CRKL: variants seen among roughly 807,000 people sequenced by gnomAD.
CRKL encodes CRK like proto-oncogene, adaptor protein.
A neutral mutation model predicts 23.0 loss-of-function variants in CRKL; 3 were observed. The ratio of observed to expected loss-of-function variants is 0.13; its 90% CI spans 0.06 to 0.34. CRKL has a LOEUF of 0.34. Among genes scored for constraint, CRKL ranks in the 10% least tolerant of loss-of-function variants. The probability of loss-of-function intolerance (pLI) is 1.00; values close to 1 mark genes in which losing one functional copy is unlikely to be tolerated. For missense variants in CRKL, 256 were observed against 394.5 expected, an observed-to-expected ratio of 0.65 and a Z score of 2.97; for synonymous variants, 188 against 160.7, an observed-to-expected ratio of 1.17 and a Z score of -1.28.
chr22:20,943,672 T>C (rs4820673), intron 2 of CRKL, among the ~76,000 whole-genome samples: 116,415 of 152,094 alleles, frequency 0.77, 45,131 homozygotes, highest in East Asian at 0.92. Context: ...CTTTCCCTGT[T>C]GAATAGACTT....
At chr22:20,940,566 CTTTT>C (rs55853175) in intron 2 of CRKL, among the ~76,000 whole-genome samples, 11 of 134,922 alleles carry the variant, frequency 8.2e-5, no homozygotes, top group African/African-American at 1.5e-4. Flanking sequence ...TTTGGTGCTC[CTTTT>C]TTTTTTTTTT....
chr22:20,918,883 C>T (rs1929788483), intron 1 of CRKL, among the ~76,000 whole-genome samples: 1 of 152,130 alleles, frequency 6.6e-6, no homozygotes, highest in South Asian at 2.1e-4. Flanking sequence ...AGCCACCACA[C>T]CCGGCCAAAA....
At chr22:20,944,395 A>C (rs1259722724) in intron 2 of CRKL, among the ~76,000 whole-genome samples, 1 of 151,062 alleles carries the variant, frequency 6.6e-6, no homozygotes, top group Non-Finnish European at 1.5e-5. Context: ...ACCATGGTTA[A>C]ATTATTCTCG....
intron 2 of CRKL, among the ~76,000 whole-genome samples, chr22:20,946,733 A>AC (rs59726220): frequency 0.6 from 90,435 of 150,826 alleles, 28,921 homozygotes; most frequent in South Asian, 0.8. Context: ...CAAAAAAAAA[A>AC]AACAGATTGA....
At chr22:20,923,895 T>C (rs1247049130) in intron 1 of CRKL, among the ~76,000 whole-genome samples, 1 of 146,538 alleles carries the variant, frequency 6.8e-6, no homozygotes, top group African/African-American at 2.5e-5. Flanking sequence ...AAAAAAAAAA[T>C]GTAAAGGTTG....
chr22:20,942,154 A>T (rs982770633), intron 2 of CRKL, among the ~76,000 whole-genome samples: 1 of 152,226 alleles, frequency 6.6e-6, no homozygotes, highest in African/African-American at 2.4e-5. Flanking sequence ...TACCTACCTG[A>T]TATAAGTAAA....
At position 20,917,584 on chromosome 22, in the gene CRKL, G is replaced by A; in HGVS notation, c.-351G>A. ...CGGTGAAGACCCGTCGAGCTGCGGC[G>A]CCGGCGCGTTCCAGGCCGGGAGTCA... On this transcript the variant is annotated 5_prime_UTR_variant, in exon 1 of 3. Transcript: ENST00000354336. 1 of 321,920 alleles carries A rather than the reference G, an allele frequency of 3.1e-6. No homozygotes were observed. The highest frequency in any genetic ancestry group is 5.7e-6 in the Non-Finnish European group (1 of 175,972). The allele number at this position is 321,920 out of a possible 1,614,324, so 19.9% of individuals were successfully genotyped here. A position where few individuals can be genotyped will look rare whatever the true frequency, so the allele number is the denominator to read the frequency against.
intron 1 of CRKL, among the ~76,000 whole-genome samples, chr22:20,933,369 C>A (rs1921530527): frequency 6.6e-6 from 1 of 150,770 alleles, no homozygotes; most frequent in Non-Finnish European, 1.5e-5. Flanking sequence ...GACTCCATCT[C>A]CAAAAAAAAT....
At position 20,952,663 on chromosome 22, in the gene CRKL, G is replaced by A. The variant is rs540264086; in HGVS notation, c.*2818G>A. The A allele has an allele frequency of 2.3e-4, 54 of 232,250 alleles. No individual in the cohort carries two copies. Among genetic ancestry groups the A allele is most frequent in the Non-Finnish European group, 1.8e-4 (21 of 117,456 alleles). 14.4% of individuals were successfully genotyped at this position (232,250 alleles called of 1,614,324 possible). A position where few individuals can be genotyped will look rare whatever the true frequency, so the allele number is the denominator to read the frequency against. On this transcript the variant is annotated 3_prime_UTR_variant, in exon 3 of 3. Coordinates refer to ENST00000354336, the MANE Select transcript of CRKL (RefSeq NM_005207.4). ...ACCCAGAGGGTGGGTGTTCATAACT[G>A]CTACTTGCTCTGCTCTACCATGTTT... is the stretch of plus-strand genomic sequence containing the variant.
chr22:20,950,938 A>G lies in CRKL; in HGVS notation c.*1093A>G, dbSNP rs530970637. On this transcript the variant is annotated 3_prime_UTR_variant, in exon 3 of 3. Coordinates refer to ENST00000354336, the MANE Select transcript of CRKL (RefSeq NM_005207.4). ...TAATGCAGTTGTGGTGTGCCATGCTATGTGCACAGCCCCTTGGATTACTTT... is the reference window on the plus strand; with the variant it reads ...TAATGCAGTTGTGGTGTGCCATGCTGTGTGCACAGCCCCTTGGATTACTTT... 1 of 231,838 alleles carries G rather than the reference A, an allele frequency of 4.3e-6. No homozygotes were observed. Among genetic ancestry groups the G allele is most frequent in the South Asian group, 1.8e-4 (1 of 5,518 alleles). 14.4% of individuals were successfully genotyped at this position (231,838 alleles called of 1,614,324 possible).
chr22:20,918,543 C>T lies in CRKL; in HGVS notation c.311+298C>T, dbSNP rs905661493. 2.7e-5 allele frequency among the ~76,000 whole-genome samples: 4 copies of T among 150,550 alleles called. No homozygotes were observed. In the East Asian group the frequency reaches 5.9e-4, roughly 22 times the overall value. On this transcript the variant is annotated intron_variant, in intron 1 of 2. Transcript: ENST00000354336. The stretch of plus-strand genomic sequence containing the variant: ...CACGCTTTTTGCCTTTCGTGACTTT[C>T]TCTGGGTGTAATACTGATGCAGGGA...
chr22:20,943,402 G>A (rs1018344581), intron 2 of CRKL, among the ~76,000 whole-genome samples: 1 of 151,778 alleles, frequency 6.6e-6, no homozygotes, highest in Admixed American at 6.6e-5. Context: ...ACCATACCCC[G>A]CTAATTTTTT....
chr22:20,950,025 C>A lies in CRKL; in HGVS notation c.*180C>A. 2.7e-6 allele frequency: 2 copies of A among 744,264 alleles called. No individual in the cohort carries two copies. Among genetic ancestry groups the A allele is most frequent in the Non-Finnish European group, 4.1e-6 (2 of 482,084 alleles). The allele number at this position is 744,264 out of a possible 1,614,324, so 46.1% of individuals were successfully genotyped here. A position where few individuals can be genotyped will look rare whatever the true frequency, so the allele number is the denominator to read the frequency against. On this transcript the variant is annotated 3_prime_UTR_variant, in exon 3 of 3. Coordinates refer to ENST00000354336, the MANE Select transcript of CRKL (RefSeq NM_005207.4). ...AGCGGCTGCCTCCTGATGTTTGTAT[C>A]ATAGTCGTATTGTCAAAGAGTAGCC... is the stretch of plus-strand genomic sequence containing the variant.
At position 20,942,206 on chromosome 22, in the gene CRKL, G is replaced by A. The variant is rs1422914190; in HGVS notation, c.778-7505G>A. On this transcript the variant is annotated intron_variant, in intron 2 of 2. Transcript: ENST00000354336. ...CCTTTGGGTCTGAATTATTTCATTG[G>A]GTACAATGTTTTCAGAGTTCATCCA... 5.9e-5 allele frequency among the ~76,000 whole-genome samples: 9 copies of A among 152,228 alleles called. No individual in the cohort carries two copies. The South Asian group carries it at 1.9e-3, about 32-fold the overall frequency.
intron 2 of CRKL, among the ~76,000 whole-genome samples, chr22:20,935,542 A>G (rs368038428): frequency 9.2e-4 from 132 of 143,764 alleles, no homozygotes; most frequent in African/African-American, 3.0e-3. Flanking sequence ...TTTTTGAGAC[A>G]GAGTCTCGCT....
chr22:20,941,477 TC>T (rs1347682450), intron 2 of CRKL, among the ~76,000 whole-genome samples: 1 of 149,656 alleles, frequency 6.7e-6, no homozygotes, highest in Non-Finnish European at 1.5e-5. Flanking sequence ...TTTAGAATAT[TC>T]TCGTATTTAA....
rs372750207 is a variant in CRKL at position 20,928,002 on chromosome 22, A to C, written c.312-5777A>C. Among the ~76,000 whole-genome samples, 8 of 151,920 alleles carry C rather than the reference A, an allele frequency of 5.3e-5. No individual in the cohort carries two copies. In the East Asian group the frequency reaches 1.6e-3, roughly 29 times the overall value. ...CATGTGAAACCCATCTCTGTTAAAA[A>C]TACAAAATTAGCCCGGCAGTAGTGG... On this transcript the variant is annotated intron_variant, in intron 1 of 2. Transcript: ENST00000354336.
intron 1 of CRKL, among the ~76,000 whole-genome samples, chr22:20,927,979 T>C (rs758821262): frequency 6.0e-5 from 9 of 150,748 alleles, no homozygotes; most frequent in Non-Finnish European, 1.3e-4. Context: ...CTGGCCAGCA[T>C]GTGAAACCCA....
chr22:20,932,995 A>G (rs1326963206), intron 1 of CRKL, among the ~76,000 whole-genome samples: 1 of 151,886 alleles, frequency 6.6e-6, no homozygotes, highest in East Asian at 1.9e-4. Flanking sequence ...CAGAAAAATC[A>G]CTTGAACACG....
Sources: allele counts gnomAD v4.1 joint callset (sites outside exome capture counted in the v4.1 genomes callset), GRCh38; gene constraint gnomAD v4.1.1; transcripts MANE v1.5; gene names NCBI Gene and HGNC (gene_info 2026-07-23, HGNC 2026-07-21).